N4BP2: variants seen among roughly 807,000 people sequenced by gnomAD.
N4BP2 encodes the protein NEDD4-binding protein 2.
N4BP2 carries 91 observed loss-of-function variants against 152.8 expected under a neutral mutation model. The ratio of observed to expected loss-of-function variants is 0.60; its 90% CI spans 0.50 to 0.71. The LOEUF is 0.71. Among genes scored for constraint, N4BP2 ranks in the 30% least tolerant of loss-of-function variants. The pLI, the probability that N4BP2 is intolerant of heterozygous loss-of-function variation, is 0.00. For synonymous variants in N4BP2, 646 were observed against 705.3 expected, an observed-to-expected ratio of 0.92 and a Z score of 1.33; for missense variants, 1,923 against 2,059.1, an observed-to-expected ratio of 0.93 and a Z score of 1.28.
At chr4:40,086,494 T>C (rs1361231232) in intron 2 of N4BP2, among the ~76,000 whole-genome samples, 2 of 151,818 alleles carry the variant, frequency 1.3e-5, no homozygotes, top group African/African-American at 4.8e-5. Flanking sequence ...TGCGCCACCA[T>C]GCCCAGCTAA....
At chr4:40,167,388 A>T in the N4BP2 span, 1 of 152,250 alleles carries the variant, frequency 6.6e-6, no homozygotes, top group Non-Finnish European at 1.5e-5. Context: ...ACATACTCTG[A>T]CAGAATTCCT....
intron 1 of N4BP2, among the ~76,000 whole-genome samples, chr4:40,067,214 A>C (rs545163269): frequency 6.6e-6 from 1 of 151,914 alleles, no homozygotes; most frequent in South Asian, 2.1e-4. Context: ...GTGCACCACC[A>C]CACCTAGATA....
chr4:40,082,704 CTTT>C, intron 2 of N4BP2, among the ~76,000 whole-genome samples: 1 of 143,240 alleles, frequency 7.0e-6, no homozygotes, highest in South Asian at 2.2e-4. Flanking sequence ...AGGCTGTATT[CTTT>C]TTTTTTTTTT....
At position 40,120,676 on chromosome 4, in the gene N4BP2, G is replaced by A. The variant is rs781639372; in HGVS notation, c.2565G>A (p.Gln855=). ...GTGTAGAGGATGGCAGAAAGTCACA[G>A]TGTGATGATGCTTCAGAGCCACTCA... ...HESVEDGRKS[Q]CDDASEPLNS... Residue 855 remains glutamine (Q), a synonymous_variant, in exon 9 of 18, where the codon CAG becomes CAA. Transcript: ENST00000261435. The A allele has an allele frequency of 4.3e-6, 7 of 1,614,098 alleles. No homozygotes were observed. The highest frequency in any genetic ancestry group is 5.9e-6 in the Non-Finnish European group (7 of 1,180,008).
the N4BP2 span, among the ~76,000 whole-genome samples, chr4:40,188,339 C>T: frequency 6.6e-6 from 1 of 152,186 alleles, no homozygotes; most frequent in African/African-American, 2.4e-5. Flanking sequence ...CCATGTGGCC[C>T]TGAGCAAGAT....
In N4BP2 at chr4:40,124,046, G is replaced by A. The variant is rs575945675; in HGVS notation, c.4285-114G>A. On this transcript the variant is annotated intron_variant, in intron 10 of 17. Transcript: ENST00000261435. ...TGTTTTACTTAGATTGAGTAAGAAT[G>A]GTTTACAGTTATACAAGGAGAAATG... The A allele has an allele frequency of 2.3e-5, 16 of 682,216 alleles. No individual in the cohort carries two copies. In the South Asian group the frequency reaches 2.7e-4, roughly 11 times the overall value. The allele number at this position is 682,216 out of a possible 1,614,324, so 42.3% of individuals were successfully genotyped here.
chr4:40,155,291 C>G lies in N4BP2; in HGVS notation c.*1054C>G, dbSNP rs1164177355. ...CCTGTAATCCCAGCTACTTGGGAGG[C>G]TGAGGCAGGAGAACCGCTTAAACCT... On this transcript the variant is annotated 3_prime_UTR_variant, in exon 18 of 18. Transcript: ENST00000261435. The G allele has an allele frequency of 6.6e-6, 1 of 151,912 alleles. No homozygotes were observed. Among genetic ancestry groups the G allele is most frequent in the Non-Finnish European group, 1.5e-5 (1 of 68,092 alleles). 9.4% of individuals were successfully genotyped at this position (151,912 alleles called of 1,614,324 possible).
the N4BP2 span, among the ~76,000 whole-genome samples, chr4:40,175,644 CA>C: frequency 6.6e-6 from 1 of 151,650 alleles, no homozygotes; most frequent in Non-Finnish European, 1.5e-5. Context: ...CTGTTTCTAC[CA>C]AAAAATACAA....
intron 5 of N4BP2, 34 bp downstream of exon 5, chr4:40,107,058 A>G (rs1224287440): frequency 6.3e-7 from 1 of 1,598,510 alleles, no homozygotes; most frequent in Middle Eastern, 1.7e-4. Context: ...GGGTAACGTT[A>G]TGAGTAATAC....
intron 14 of N4BP2, among the ~76,000 whole-genome samples, chr4:40,140,319 C>T (rs1164196830): frequency 6.6e-6 from 1 of 152,046 alleles, no homozygotes; most frequent in Non-Finnish European, 1.5e-5. Flanking sequence ...ATAGATGCAG[C>T]ATATTATAAA....
chr4:40,188,427 G>A, the N4BP2 span, among the ~76,000 whole-genome samples: 15 of 152,176 alleles, frequency 9.9e-5, no homozygotes, highest in Non-Finnish European at 1.6e-4. Flanking sequence ...TTATTGGGAT[G>A]ATTAAGTGGG....
intron 13 of N4BP2, among the ~76,000 whole-genome samples, chr4:40,133,196 AGTTT>A (rs1450764952): frequency 6.6e-6 from 1 of 152,174 alleles, no homozygotes; most frequent in Non-Finnish European, 1.5e-5. Flanking sequence ...AACTCTGGTT[AGTTT>A]ATTTCCTTTC....
At chr4:40,057,178 C>T (rs552745969) in intron 1 of N4BP2, 148 bp downstream of exon 1, 4 of 152,372 alleles carry the variant, frequency 2.6e-5, no homozygotes, top group African/African-American at 7.2e-5. Context: ...ATGTGGGGCC[C>T]GGCGCGGGCC....
In N4BP2 at chr4:40,152,688, C is replaced by T. The variant is rs540380195; in HGVS notation, c.5144-92C>T. On this transcript the variant is annotated intron_variant, in intron 16 of 17. Transcript: ENST00000261435. The stretch of plus-strand genomic sequence containing the variant: ...GCAAACCCCAAAATCCTCATGAAAA[C>T]AATTTCATGTGCTTGAGTAGCTAAG... The T allele has an allele frequency of 7.6e-4, 1,081 of 1,427,686 alleles. 3 individuals carry two copies. Among genetic ancestry groups the T allele is most frequent in the Non-Finnish European group, 6.9e-4 (711 of 1,034,582 alleles). 88.4% of individuals were successfully genotyped at this position (1,427,686 alleles called of 1,614,324 possible).
At position 40,152,834 on chromosome 4, in the gene N4BP2, A is replaced by G. The variant is rs1301037862; in HGVS notation, c.5198A>G (p.Asn1733Ser). The change falls in exon 17 of 18, where the codon AAC (asparagine) becomes AGC (serine). Residue 1733 changes from asparagine (N) to serine (S), a missense_variant. Coordinates refer to ENST00000261435, the MANE Select transcript of N4BP2 (RefSeq NM_018177.6). ...PYLSVITGRG[N>S]HSQGGVARIK... The stretch of plus-strand genomic sequence containing the variant: ...TTGTCTGTGATTACGGGGAGAGGAA[A>G]CCACAGCCAGGGAGGAGTTGCTCGC... The G allele has an allele frequency of 6.2e-7, 1 of 1,613,940 alleles. No homozygotes were observed. Among genetic ancestry groups the G allele is most frequent in the Non-Finnish European group, 8.5e-7 (1 of 1,179,986 alleles).
At chr4:40,169,370 A>T in the N4BP2 span, among the ~76,000 whole-genome samples, 1 of 149,048 alleles carries the variant, frequency 6.7e-6, no homozygotes, top group Non-Finnish European at 1.5e-5. Context: ...AAACAGAGCA[A>T]GACTGTCTCA....
intron 15 of N4BP2, 71 bp from the exon 16 acceptor site, chr4:40,144,561 C>A: frequency 2.6e-6 from 3 of 1,144,294 alleles, no homozygotes; most frequent in Non-Finnish European, 3.7e-6. Context: ...TTATTTGGGG[C>A]ACTATTAACT....
downstream of N4BP2, among the ~76,000 whole-genome samples, chr4:40,158,775 A>T (rs1480906471): frequency 6.6e-6 from 1 of 152,192 alleles, no homozygotes; most frequent in African/African-American, 2.4e-5. Flanking sequence ...CATCTCAAAA[A>T]AAAAAAGAAT....
At chr4:40,153,208 A>T (rs1004956291) in intron 17 of N4BP2, among the ~76,000 whole-genome samples, 52 of 152,334 alleles carry the variant, frequency 3.4e-4, no homozygotes, top group African/African-American at 1.1e-3. Context: ...AAAACTTTCT[A>T]TCATAAATTT....
Sources: gnomAD v4.1 joint callset for allele counts (sites outside exome capture counted in the v4.1 genomes callset) on GRCh38, gnomAD v4.1.1 for gene constraint, MANE v1.5 for transcripts, NCBI Gene and HGNC (gene_info 2026-07-23, HGNC 2026-07-21) for gene names.